The following DCP2 variants were observed in gnomAD, a reference collection of about 807,000 sequenced individuals.
DCP2 encodes decapping mRNA 2.
A neutral mutation model predicts 56.1 loss-of-function variants in DCP2; 30 were observed. The ratio of observed to expected loss-of-function variants is 0.53; its 90% CI spans 0.40 to 0.73. The LOEUF (loss-of-function observed/expected upper bound fraction) is 0.73. Ranked by LOEUF, DCP2 falls within the 30% of genes least tolerant of loss-of-function variation. The pLI is 0.00. For missense variants in DCP2, 533 were observed against 502.7 expected, an observed-to-expected ratio of 1.06 and a Z score of -0.58; for synonymous variants, 197 against 163.3, an observed-to-expected ratio of 1.21 and a Z score of -1.57.
intron 2 of DCP2, 32 bp downstream of exon 2, chr5:112,986,018 T>A: frequency 6.7e-7 from 1 of 1,485,522 alleles, no homozygotes; most frequent in Non-Finnish European, 9.1e-7. Flanking sequence ...TGACTGACTT[T>A]CTTGTTAGCA....
At chr5:112,996,379 G>A (rs926532881) in intron 4 of DCP2, among the ~76,000 whole-genome samples, 1 of 152,126 alleles carries the variant, frequency 6.6e-6, no homozygotes, top group Non-Finnish European at 1.5e-5. Flanking sequence ...TCTAGCTACT[G>A]ATTAGACTTA....
chr5:112,993,082 A>G (rs1389984198), intron 4 of DCP2, among the ~76,000 whole-genome samples: 3 of 151,706 alleles, frequency 2.0e-5, no homozygotes, highest in Non-Finnish European at 2.9e-5. Context: ...TTTGGCTGTT[A>G]TAATCCTTGT....
At chr5:112,982,160 A>G (rs939969406) in intron 1 of DCP2, among the ~76,000 whole-genome samples, 2 of 149,682 alleles carry the variant, frequency 1.3e-5, no homozygotes, top group Non-Finnish European at 2.9e-5. Flanking sequence ...CATTTGGACT[A>G]TGATTCTGTT....
intron 1 of DCP2, among the ~76,000 whole-genome samples, chr5:112,978,493 C>G (rs540862572): frequency 1.3e-5 from 2 of 152,132 alleles, no homozygotes; most frequent in Non-Finnish European, 2.9e-5. Context: ...TGCTTTTTCT[C>G]TCATACCAAG....
chr5:113,014,335 A>T lies in DCP2; in HGVS notation c.*851A>T, dbSNP rs1749796962. 6.6e-6 allele frequency: 1 copy of T among 152,202 alleles called. No homozygotes were observed. The highest frequency in any genetic ancestry group is 1.9e-4 in the East Asian group (1 of 5,202). 9.4% of individuals were successfully genotyped at this position (152,202 alleles called of 1,614,324 possible). ...CTGTATTCCAGTTGTGTAAATATGT[A>T]TGGAAAACTGATATTACTAGGTTTT... is the stretch of plus-strand genomic sequence containing the variant. On this transcript the variant is annotated 3_prime_UTR_variant, in exon 11 of 11. Coordinates refer to ENST00000389063, the MANE Select transcript of DCP2 (RefSeq NM_152624.6).
intron 10 of DCP2, among the ~76,000 whole-genome samples, chr5:113,011,924 G>C (rs1561706605): frequency 6.6e-6 from 1 of 152,100 alleles, no homozygotes; most frequent in African/African-American, 2.4e-5. Flanking sequence ...TTTGCATGTG[G>C]ATATCCAGTT....
At position 112,992,188 on chromosome 5, in the gene DCP2, G is replaced by A; in HGVS notation, c.273G>A (p.Lys91=). The A allele has an allele frequency of 1.2e-6, 2 of 1,613,832 alleles. No individual in the cohort carries two copies. The highest frequency in any genetic ancestry group is 2.2e-5 in the East Asian group (1 of 44,836). The change falls in exon 3 of 11, where the codon AAG becomes AAA. Residue 91 remains lysine, a synonymous_variant. Coordinates refer to ENST00000389063, the MANE Select transcript of DCP2 (RefSeq NM_152624.6). ...TGGAAAAAGTTTTGGATGAATGGAA[G>A]GAATATAAAATGGGAGTACCAACAT... The part of the protein sequence containing the change: ...EDVEKVLDEW[K]EYKMGVPTYG...
Position 113,015,465 on chromosome 5 carries a change from C to G in DCP2, c.*1981C>G, listed in dbSNP as rs1749848836. 1 of 152,296 alleles carries G rather than the reference C, an allele frequency of 6.6e-6. No individual in the cohort carries two copies. The highest frequency in any genetic ancestry group is 2.1e-4 in the South Asian group (1 of 4,824). 9.4% of individuals were successfully genotyped at this position (152,296 alleles called of 1,614,324 possible). Reference sequence around the variant, plus strand: ...CTGAAGCAAAAGAGATTATAGTTACCAGAAGTATGGCCTCTAATGGTGTTG... The same window carrying G: ...CTGAAGCAAAAGAGATTATAGTTACGAGAAGTATGGCCTCTAATGGTGTTG... On this transcript the variant is annotated 3_prime_UTR_variant, in exon 11 of 11. Transcript: ENST00000389063.
rs538443876 is a variant in DCP2 at position 113,021,175 on chromosome 5, C to A, written c.*7691C>A. ...TGGGTGGATCACGAGGTCAGGAGTT[C>A]GAGACCAGCCTGACCAACATGGTGA... On this transcript the variant is annotated 3_prime_UTR_variant, in exon 11 of 11. Coordinates refer to ENST00000389063, the MANE Select transcript of DCP2 (RefSeq NM_152624.6). Among the ~76,000 whole-genome samples, 2 of 151,884 alleles carry A rather than the reference C, an allele frequency of 1.3e-5. No individual in the cohort carries two copies. The highest frequency in any genetic ancestry group is 4.8e-5 in the African/African-American group (2 of 41,342).
intron 7 of DCP2, 83 bp downstream of exon 7, chr5:113,001,757 G>T (rs923849128): frequency 1.6e-6 from 2 of 1,286,126 alleles, no homozygotes; most frequent in African/African-American, 3.0e-5. Context: ...AAAATTTGCA[G>T]AGGATGTAAG....
intron 4 of DCP2, among the ~76,000 whole-genome samples, chr5:112,998,108 T>A (rs892757227): frequency 6.6e-6 from 1 of 152,236 alleles, no homozygotes; most frequent in Non-Finnish European, 1.5e-5. Flanking sequence ...AACTTTTTCC[T>A]GGCAAATATT....
At chr5:112,995,380 C>T (rs1167411821) in intron 4 of DCP2, among the ~76,000 whole-genome samples, 1 of 152,112 alleles carries the variant, frequency 6.6e-6, no homozygotes, top group East Asian at 1.9e-4. Context: ...AGTTCTCTTG[C>T]TTATAAGGAA....
In DCP2 at chr5:113,010,733, G is replaced by T. The variant is rs559258662; in HGVS notation, c.1048-23G>T. On this transcript the variant is annotated intron_variant, in intron 9 of 10. Coordinates refer to ENST00000389063, the MANE Select transcript of DCP2 (RefSeq NM_152624.6). ...GACTGTGTTGTATGTGTGTGTGTGT[G>T]TGTTTTTTTTTTTTTTAAATAGAAG... is the stretch of plus-strand genomic sequence containing the variant. The T allele has an allele frequency of 6.0e-6, 8 of 1,341,722 alleles. No individual in the cohort carries two copies. The African/African-American group carries it at 7.3e-5, about 12-fold the overall frequency. The allele number at this position is 1,341,722 out of a possible 1,614,324, so 83.1% of individuals were successfully genotyped here.
In DCP2 at chr5:113,017,879, A is replaced by C. The variant is rs1157198449; in HGVS notation, c.*4395A>C. On this transcript the variant is annotated 3_prime_UTR_variant, in exon 11 of 11. Coordinates refer to ENST00000389063, the MANE Select transcript of DCP2 (RefSeq NM_152624.6). ...GTATCGCCATTATCGAGTGTTTTCTAGCCCTGGATAAAGTTAATTTTTTTG... is the reference window on the plus strand; with the variant it reads ...GTATCGCCATTATCGAGTGTTTTCTCGCCCTGGATAAAGTTAATTTTTTTG... The C allele has an allele frequency of 6.6e-6, 1 of 152,152 alleles. No individual in the cohort carries two copies. Among genetic ancestry groups the C allele is most frequent in the Non-Finnish European group, 1.5e-5 (1 of 68,034 alleles). The allele number at this position is 152,152 out of a possible 1,614,324, so 9.4% of individuals were successfully genotyped here.
intron 9 of DCP2, among the ~76,000 whole-genome samples, chr5:113,009,483 T>A (rs996986208): frequency 6.6e-6 from 1 of 152,226 alleles, no homozygotes; most frequent in Non-Finnish European, 1.5e-5. Context: ...AGTAACCCAG[T>A]TGTGTATTGA....
chr5:112,995,799 C>T (rs916011557), intron 4 of DCP2, among the ~76,000 whole-genome samples: 1 of 152,110 alleles, frequency 6.6e-6, no homozygotes, highest in African/African-American at 2.4e-5. Flanking sequence ...TGAAGTGTTG[C>T]TGTTTTAGTC....
chr5:113,018,567 A>C lies in DCP2; in HGVS notation c.*5083A>C, dbSNP rs1225755671. The C allele has an allele frequency of 6.6e-6, 1 of 152,228 alleles. No homozygotes were observed. The highest frequency in any genetic ancestry group is 2.4e-5 in the African/African-American group (1 of 41,452). The allele number at this position is 152,228 out of a possible 1,614,324, so 9.4% of individuals were successfully genotyped here. The stretch of plus-strand genomic sequence containing the variant: ...TTGTCCCACATGGACCCTAACCTTT[A>C]GTAGACTTCAGTCTTTTAGTCCAGT... On this transcript the variant is annotated 3_prime_UTR_variant, in exon 11 of 11. Transcript: ENST00000389063.
At chr5:112,984,642 C>T (rs1748161081) in intron 1 of DCP2, 1 of 143,698 alleles carries the variant, frequency 7.0e-6, no homozygotes, top group Non-Finnish European at 1.5e-5. Context: ...GATTAAAATG[C>T]CTTTTGCTAC....
intron 1 of DCP2, among the ~76,000 whole-genome samples, chr5:112,983,259 C>A (rs147789584): frequency 9.2e-5 from 14 of 152,208 alleles, no homozygotes; most frequent in South Asian, 4.1e-4. Flanking sequence ...TAAAACACTA[C>A]GCTGAATAAT....
Sources: allele counts gnomAD v4.1 joint callset (sites outside exome capture counted in the v4.1 genomes callset), GRCh38; gene constraint gnomAD v4.1.1; transcripts MANE v1.5; gene names NCBI Gene and HGNC (gene_info 2026-07-23, HGNC 2026-07-21).